MALRD1: variants seen among roughly 807,000 people sequenced by gnomAD.
MALRD1 encodes MAM and LDL-receptor class A domain-containing protein 1.
A neutral mutation model predicts 242.1 loss-of-function variants in MALRD1; 247 were observed. The ratio of observed to expected loss-of-function variants is 1.02; its 90% confidence interval spans 0.92 to 1.13. The LOEUF (loss-of-function observed/expected upper bound fraction) is 1.13. MALRD1 is among the 50% of genes most tolerant of loss of function. MALRD1 has a pLI of 0.00. For missense variants in MALRD1, 2,989 were observed against 2,533.1 expected (o/e 1.18, Z -3.86); for synonymous variants, 995 against 866.6 (o/e 1.15, Z -2.60).
chr10:19,147,753 G>A (rs1588614138), intron 11 of MALRD1, among the ~76,000 whole-genome samples: 1 of 152,130 alleles, frequency 6.6e-6, no homozygotes, highest in Non-Finnish European at 1.5e-5. Flanking sequence ...AGATGGATTC[G>A]AGATGCCTTG....
At chr10:19,609,562 A>T (rs892045781) in intron 35 of MALRD1, among the ~76,000 whole-genome samples, 5 of 152,038 alleles carry the variant, frequency 3.3e-5, no homozygotes, top group African/African-American at 1.2e-4. Context: ...TAGTGGTCTC[A>T]CCATGGTCAC....
chr10:19,418,208 C>T (rs569765470), intron 28 of MALRD1, among the ~76,000 whole-genome samples: 1 of 151,728 alleles, frequency 6.6e-6, no homozygotes, highest in South Asian at 2.1e-4. Context: ...ATTATCTGTG[C>T]CTAGGAAAGA....
intron 23 of MALRD1, among the ~76,000 whole-genome samples, chr10:19,328,658 G>A (rs768839967): frequency 3.3e-5 from 5 of 152,124 alleles, no homozygotes; most frequent in Admixed American, 6.6e-5. Context: ...GCACTGAAAA[G>A]TGTTACAGCC....
intron 38 of MALRD1, among the ~76,000 whole-genome samples, chr10:19,700,601 T>G (rs185496407): frequency 1.7e-3 from 266 of 152,362 alleles, no homozygotes; most frequent in Middle Eastern, 6.8e-3. Flanking sequence ...TCTTGGTCTC[T>G]GCTACCTAAT....
intron 31 of MALRD1, among the ~76,000 whole-genome samples, chr10:19,519,378 T>C (rs964308546): frequency 3.9e-5 from 6 of 152,234 alleles, no homozygotes; most frequent in Non-Finnish European, 8.8e-5. Context: ...TGACAAACTA[T>C]TAGTATAAAA....
rs1265332955 is a variant in MALRD1, at chr10:19,347,803, G to A, written c.3934G>A (p.Asp1312Asn). 1 of 1,550,478 alleles carries A rather than the reference G, an allele frequency of 6.4e-7. No homozygotes were observed. Among genetic ancestry groups the A allele is most frequent in the Non-Finnish European group, 8.7e-7 (1 of 1,146,866 alleles). The change falls in exon 25 of 40, where the codon GAT becomes AAT. Residue 1312 changes from aspartate (D) to asparagine (N), a missense_variant. Coordinates refer to ENST00000454679, the MANE Select transcript of MALRD1 (RefSeq NM_001142308.3). Reference protein sequence around the residue: ...TSSGRCDFEFDLCSWKQEKDE... With the variant: ...TSSGRCDFEFNLCSWKQEKDE... ...CAGTGGGCGCTGTGATTTCGAATTT[G>A]ATCTTTGTTCCTGGAAGCAGGAGAA...
chr10:19,656,637 C>T (rs992427916), intron 36 of MALRD1, among the ~76,000 whole-genome samples: 3 of 152,020 alleles, frequency 2.0e-5, no homozygotes, highest in South Asian at 4.1e-4. Context: ...TCTGCAGCCT[C>T]CATGTAATCT....
Position 19,238,403 on chromosome 10 carries a change from T to A in MALRD1, c.2992-19281T>A, listed in dbSNP as rs1442958450. Among the ~76,000 whole-genome samples, 468 of 84,140 alleles carry A rather than the reference T, an allele frequency of 5.6e-3. 37 individuals carry two copies. The highest frequency in any genetic ancestry group is 0.022 in the African/African-American group (442 of 20,234). The allele number at this position is 84,140 out of a possible 152,430, so 55.2% of individuals were successfully genotyped here. A position where few individuals can be genotyped will look rare whatever the true frequency, so the allele number is the denominator to read the frequency against. On this transcript the variant is annotated intron_variant, in intron 18 of 39. Transcript: ENST00000454679. The stretch of plus-strand genomic sequence containing the variant: ...ATAATATATTATATATGTTATATAT[T>A]ATGTATAATATATAATATACATTAT...
At chr10:19,073,823 A>G (rs1835233356) in intron 2 of MALRD1, among the ~76,000 whole-genome samples, 1 of 152,140 alleles carries the variant, frequency 6.6e-6, no homozygotes, top group South Asian at 2.1e-4. Flanking sequence ...GAATAAAACA[A>G]TTACTTATTG....
At chr10:19,702,442 G>C (rs987399868) in intron 38 of MALRD1, among the ~76,000 whole-genome samples, 10 of 152,056 alleles carry the variant, frequency 6.6e-5, no homozygotes, top group African/African-American at 1.7e-4. Context: ...GCTTTCCTCA[G>C]CAACAATGTT....
chr10:19,689,069 A>G (rs892914892), intron 36 of MALRD1, among the ~76,000 whole-genome samples: 2 of 152,234 alleles, frequency 1.3e-5, no homozygotes, highest in African/African-American at 2.4e-5. Flanking sequence ...GTACACATAC[A>G]AGGAGATAAT....
chr10:19,711,297 A>T (rs1237145657), intron 38 of MALRD1: 1 of 152,210 alleles, frequency 6.6e-6, no homozygotes, highest in East Asian at 1.9e-4. Flanking sequence ...ATCTTTTCAA[A>T]AAAGAAACAC....
intron 33 of MALRD1, among the ~76,000 whole-genome samples, chr10:19,591,601 C>T (rs998559289): frequency 1.3e-5 from 2 of 150,918 alleles, no homozygotes; most frequent in Non-Finnish European, 2.9e-5. Context: ...TCGGTTCAAG[C>T]GATAATCTTG....
intron 36 of MALRD1, among the ~76,000 whole-genome samples, chr10:19,667,781 T>G (rs951762168): frequency 1.3e-5 from 2 of 152,178 alleles, no homozygotes; most frequent in African/African-American, 2.4e-5. Flanking sequence ...AAACCTCCTC[T>G]CTTTATAAAT....
At chr10:19,343,680 T>A (rs1228072131) in intron 24 of MALRD1, among the ~76,000 whole-genome samples, 1 of 152,104 alleles carries the variant, frequency 6.6e-6, no homozygotes, top group East Asian at 1.9e-4. Flanking sequence ...TGTGTATAAA[T>A]CACGTTTTCC....
intron 14 of MALRD1, among the ~76,000 whole-genome samples, chr10:19,178,745 C>T (rs574796537): frequency 6.6e-6 from 1 of 152,274 alleles, no homozygotes; most frequent in African/African-American, 2.4e-5. Context: ...CAGATTTGTG[C>T]CTGGTGAGGA....
intron 1 of MALRD1, among the ~76,000 whole-genome samples, chr10:19,060,323 A>G (rs997864338): frequency 9.9e-5 from 15 of 152,198 alleles, no homozygotes; most frequent in African/African-American, 3.6e-4. Flanking sequence ...ACTTGTCTGC[A>G]GGTTTGAGCT....
chr10:19,202,661 T>TA (rs1232101937), intron 14 of MALRD1, among the ~76,000 whole-genome samples: 15 of 152,190 alleles, frequency 9.9e-5, no homozygotes, highest in Admixed American at 2.6e-4. Flanking sequence ...TATTCCTTGA[T>TA]AAAAATAGCC....
rs1338575788 is a variant in MALRD1 at position 19,708,430 on chromosome 10, C to T, written c.6314+15876C>T. Among the ~76,000 whole-genome samples the T allele has an allele frequency of 4.4e-5, 5 of 113,274 alleles. 2 individuals carry two copies. Among genetic ancestry groups the T allele is most frequent in the Admixed American group, 2.1e-4 (2 of 9,640 alleles). 74.3% of individuals were successfully genotyped at this position (113,274 alleles called of 152,430 possible). On this transcript the variant is annotated intron_variant, in intron 38 of 39. Coordinates refer to ENST00000454679, the MANE Select transcript of MALRD1 (RefSeq NM_001142308.3). Reference sequence around the variant, plus strand: ...ATGGTTCACTGCAGCCTCAAGCTCCCAGGCTCAAGTAATTCTCCCATCTTA... The same window carrying T: ...ATGGTTCACTGCAGCCTCAAGCTCCTAGGCTCAAGTAATTCTCCCATCTTA...
Sources: allele counts gnomAD v4.1 joint callset (sites outside exome capture counted in the v4.1 genomes callset), GRCh38; gene constraint gnomAD v4.1.1; transcripts MANE v1.5; gene names NCBI Gene and HGNC (gene_info 2026-07-23, HGNC 2026-07-21).